Variants in MUSK observed in about 807,000 individuals in gnomAD.
MUSK encodes the protein muscle associated receptor tyrosine kinase.
Under a neutral mutation model 88.7 loss-of-function variants are expected in MUSK, and 55 were observed. That is an observed-to-expected ratio of 0.62 (90% CI 0.50 to 0.78). MUSK has a LOEUF of 0.78. MUSK is among the 30% of genes least tolerant of loss of function. The probability of loss-of-function intolerance (pLI) is 0.00; values close to 1 mark genes in which losing one functional copy is unlikely to be tolerated. For missense variants in MUSK, 1,015 were observed against 1,074.3 expected (o/e 0.94, Z 0.77); for synonymous variants, 387 against 391.9 (o/e 0.99, Z 0.15).
In MUSK at chr9:110,767,888, C is replaced by T; in HGVS notation, c.989C>T (p.Ala330Val). The change falls in exon 9 of 15, where the codon GCA (alanine) becomes GTA (valine). Residue 330 changes from alanine (A) to valine (V), a missense_variant. Ala to Val is a moderately conservative substitution (Grantham distance 64, BLOSUM62 0). Transcript: ENST00000374448. Reference protein sequence around the residue: ...YRGEVCNAVLAKDALVFLNTS... With the variant: ...YRGEVCNAVLVKDALVFLNTS... The stretch of plus-strand genomic sequence containing the variant: ...GGGGAGGTGTGTAATGCAGTCCTGG[C>T]AAAAGATGCTCTTGTTTTTCTCAAC... 6.2e-7 allele frequency: 1 copy of T among 1,613,948 alleles called. No homozygotes were observed. Among genetic ancestry groups the T allele is most frequent in the Non-Finnish European group, 8.5e-7 (1 of 1,179,870 alleles).
At chr9:110,709,739 ATTT>A (rs971493196) in intron 5 of MUSK, among the ~76,000 whole-genome samples, 6 of 152,176 alleles carry the variant, frequency 3.9e-5, no homozygotes, top group African/African-American at 1.2e-4. Context: ...CTAAATTTTT[ATTT>A]TTAATAGTTT....
At chr9:110,670,335 T>A (rs539786608) in intron 1 of MUSK, among the ~76,000 whole-genome samples, 1 of 152,246 alleles carries the variant, frequency 6.6e-6, no homozygotes, top group Admixed American at 6.5e-5. Flanking sequence ...CCCACCTGGA[T>A]GTTTGAACGT....
chr9:110,783,327 C>T (rs2077794239), intron 11 of MUSK, among the ~76,000 whole-genome samples: 1 of 151,974 alleles, frequency 6.6e-6, no homozygotes, highest in Non-Finnish European at 1.5e-5. Context: ...CTTACTGGAA[C>T]ATATTATAAA....
At chr9:110,730,205 AC>A (rs2076945496) in intron 5 of MUSK, among the ~76,000 whole-genome samples, 1 of 128,604 alleles carries the variant, frequency 7.8e-6, no homozygotes, top group African/African-American at 3.0e-5. Context: ...TAAATATATT[AC>A]CTTGGTCTAT....
chr9:110,730,327 AT>A (rs974372094), intron 5 of MUSK, among the ~76,000 whole-genome samples: 1 of 152,028 alleles, frequency 6.6e-6, no homozygotes, highest in Non-Finnish European at 1.5e-5. Context: ...GGGTTTGATG[AT>A]TTTTTTGTTT....
At chr9:110,749,314 A>G (rs1346068899) in intron 7 of MUSK, among the ~76,000 whole-genome samples, 2 of 152,204 alleles carry the variant, frequency 1.3e-5, no homozygotes, top group African/African-American at 2.4e-5. Context: ...CAACAGCAGA[A>G]CAAGAGAGGC....
rs541063322 is a variant in MUSK at position 110,682,524 on chromosome 9, C to G, written c.80-150C>G. ...CTAGTTTGGAAGTAGAAACAACATT[C>G]TTTACATAAGCTCTTCCTTTCTTTT... On this transcript the variant is annotated intron_variant, in intron 1 of 14. Transcript: ENST00000374448. The G allele has an allele frequency of 3.9e-5, 26 of 673,334 alleles. No homozygotes were observed. The Admixed American group carries it at 4.6e-4, about 12-fold the overall frequency. The allele number at this position is 673,334 out of a possible 1,614,324, so 41.7% of individuals were successfully genotyped here.
intron 5 of MUSK, among the ~76,000 whole-genome samples, chr9:110,700,773 A>T (rs1320234091): frequency 6.6e-6 from 1 of 152,158 alleles, no homozygotes; most frequent in African/African-American, 2.4e-5. Flanking sequence ...GGCCAAGTAG[A>T]ATGATAAACT....
In MUSK at chr9:110,749,546, T is replaced by G. The variant is rs192317459; in HGVS notation, c.913+1746T>G. ...AAGAGCCTGCATAGGTTTAGTATATTATTTCATTGATGAGAAGTCATTTAA... is the reference window on the plus strand; with the variant it reads ...AAGAGCCTGCATAGGTTTAGTATATGATTTCATTGATGAGAAGTCATTTAA... On this transcript the variant is annotated intron_variant, in intron 7 of 14. Transcript: ENST00000374448. 6.6e-5 allele frequency among the ~76,000 whole-genome samples: 10 copies of G among 152,332 alleles called. No individual in the cohort carries two copies. The East Asian group carries it at 1.9e-3, about 29-fold the overall frequency.
Position 110,800,533 on chromosome 9 carries a change from C to A in MUSK, c.2155C>A (p.Arg719Ser), listed in dbSNP as rs769211968. The A allele has an allele frequency of 1.2e-6, 2 of 1,613,710 alleles. No homozygotes were observed. The highest frequency in any genetic ancestry group is 2.2e-5 in the East Asian group (1 of 44,864). The change falls in exon 15 of 15, where the codon CGT becomes AGT. Residue 719 changes from arginine (R) to serine (S), a missense_variant. By Grantham distance (110) the Arg-to-Ser change is moderately radical. Transcript: ENST00000374448. ...VAAGMAYLSE[R>S]KFVHRDLATR... is the part of the protein sequence containing the mutation. Reference sequence around the variant, plus strand: ...AGCTGGCATGGCTTACCTCTCAGAACGTAAGTTTGTTCACCGAGATTTAGC... The same window carrying A: ...AGCTGGCATGGCTTACCTCTCAGAAAGTAAGTTTGTTCACCGAGATTTAGC...
At chr9:110,739,602 C>G (rs982559274) in intron 6 of MUSK, among the ~76,000 whole-genome samples, 23 of 152,062 alleles carry the variant, frequency 1.5e-4, no homozygotes, top group Non-Finnish European at 1.3e-4. Context: ...CAGGATATTC[C>G]AAGGGGCAGA....
At chr9:110,740,676 G>C (rs543309953) in intron 6 of MUSK, among the ~76,000 whole-genome samples, 4 of 152,166 alleles carry the variant, frequency 2.6e-5, no homozygotes, top group South Asian at 4.2e-4. Context: ...AGCATTTCGC[G>C]GCATGAAAGA....
At position 110,747,759 on chromosome 9, in the gene MUSK, A is replaced by G. The variant is rs752641780; in HGVS notation, c.872A>G (p.Lys291Arg). Residue 291 changes from lysine to arginine, a missense_variant, in exon 7 of 15, where the codon AAG (lysine) becomes AGG (arginine). Physicochemically the swap from Lys to Arg is conservative, Grantham distance 26. Transcript: ENST00000374448. Reference protein sequence around the residue: ...TCIATNKHGEKFSTAKAAATI... With the variant: ...TCIATNKHGERFSTAKAAATI... ...ATAGCTACCAATAAGCATGGGGAGAAGTTCAGTACTGCCAAGGCTGCAGCC... is the reference window on the plus strand; with the variant it reads ...ATAGCTACCAATAAGCATGGGGAGAGGTTCAGTACTGCCAAGGCTGCAGCC... The G allele has an allele frequency of 2.5e-6, 4 of 1,613,772 alleles. No individual in the cohort carries two copies. The East Asian group carries it at 8.9e-5, about 36-fold the overall frequency.
rs2075920635 is a variant in MUSK, at chr9:110,668,799, G to A, written c.-106G>A. On this transcript the variant is annotated 5_prime_UTR_variant, in exon 1 of 15. Transcript: ENST00000374448. Reference sequence around the variant, plus strand: ...GAGCTGCTGACACAAACAGTCATTAGCAGACAACCCTTTTGCAACAAAGTA... The same window carrying A: ...GAGCTGCTGACACAAACAGTCATTAACAGACAACCCTTTTGCAACAAAGTA... 1 of 844,224 alleles carries A rather than the reference G, an allele frequency of 1.2e-6. No homozygotes were observed. Among genetic ancestry groups the A allele is most frequent in the Admixed American group, 1.9e-5 (1 of 53,772 alleles). 52.3% of individuals were successfully genotyped at this position (844,224 alleles called of 1,614,324 possible). A position where few individuals can be genotyped will look rare whatever the true frequency, so the allele number is the denominator to read the frequency against.
intron 7 of MUSK, among the ~76,000 whole-genome samples, chr9:110,759,459 C>A (rs775622457): frequency 2.6e-5 from 4 of 152,126 alleles, no homozygotes. Flanking sequence ...GCAGCCAAAG[C>A]AAATCTGACA....
chr9:110,688,035 C>G (rs1245860462), intron 3 of MUSK, among the ~76,000 whole-genome samples: 3 of 152,128 alleles, frequency 2.0e-5, no homozygotes, highest in Non-Finnish European at 2.9e-5. Context: ...GTCTACAAGA[C>G]TGCCAAACAC....
At chr9:110,760,829 C>T (rs2077387902) in intron 7 of MUSK, among the ~76,000 whole-genome samples, 1 of 152,076 alleles carries the variant, frequency 6.6e-6, no homozygotes, top group Admixed American at 6.5e-5. Flanking sequence ...CAACCCTCAC[C>T]AATCTCAAAG....
In MUSK at chr9:110,775,644, G is replaced by T. The variant is rs1406016840; in HGVS notation, c.1185-144G>T. 3 of 713,086 alleles carry T rather than the reference G, an allele frequency of 4.2e-6. No individual in the cohort carries two copies. The East Asian group carries it at 8.1e-5, about 19-fold the overall frequency. The allele number at this position is 713,086 out of a possible 1,614,324, so 44.2% of individuals were successfully genotyped here. On this transcript the variant is annotated intron_variant, in intron 9 of 14. Transcript: ENST00000374448. Reference sequence around the variant, plus strand: ...TTCATGAGGTCTCATATTATTTACAGTAAAAAGTTTCTTTCATAAACGCGC... The same window carrying T: ...TTCATGAGGTCTCATATTATTTACATTAAAAAGTTTCTTTCATAAACGCGC...
chr9:110,725,505 G>C (rs1476963709), intron 5 of MUSK, among the ~76,000 whole-genome samples: 1 of 151,944 alleles, frequency 6.6e-6, no homozygotes, highest in Non-Finnish European at 1.5e-5. Context: ...ATTTACCTTG[G>C]ATGTTGAAGT....
Sources: gnomAD v4.1 joint callset for allele counts (sites outside exome capture counted in the v4.1 genomes callset) on GRCh38, gnomAD v4.1.1 for gene constraint, MANE v1.5 for transcripts, NCBI Gene and HGNC (gene_info 2026-07-23, HGNC 2026-07-21) for gene names.